Variants in NCOA2 observed in about 807,000 individuals in gnomAD.
NCOA2 encodes the protein class E basic helix-loop-helix protein 75.
A neutral mutation model predicts 145.1 loss-of-function variants in NCOA2; 21 were observed. The observed-to-expected ratio is 0.14, with a 90% CI of 0.10 to 0.21. The LOEUF (loss-of-function observed/expected upper bound fraction) is 0.21. NCOA2 is among the 10% of genes least tolerant of loss of function. The pLI is 1.00. For synonymous variants in NCOA2, 619 were observed against 637.5 expected (o/e 0.97, Z 0.44); for missense variants, 1,472 against 1,837.6 (o/e 0.80, Z 3.64).
chr8:70,159,255 TCCCCCAA>T (rs1812695706), intron 10 of NCOA2, among the ~76,000 whole-genome samples: 4 of 137,598 alleles, frequency 2.9e-5, no homozygotes, highest in Admixed American at 1.5e-4. Flanking sequence ...TTTTTTTTTT[TCCCCCAA>T]ATATTTTCCA....
chr8:70,177,396 T>C (rs7003804), intron 4 of NCOA2, among the ~76,000 whole-genome samples: 117,155 of 152,030 alleles, frequency 0.77, 45,997 homozygotes, highest in Non-Finnish European at 0.84. Flanking sequence ...AATAGCACCG[T>C]CCCTATTTCA....
chr8:70,204,654 A>C (rs890567342), intron 4 of NCOA2, among the ~76,000 whole-genome samples: 1 of 152,178 alleles, frequency 6.6e-6, no homozygotes, highest in East Asian at 1.9e-4. Context: ...AAAATCCAAC[A>C]AATATTTATT....
intron 3 of NCOA2, among the ~76,000 whole-genome samples, chr8:70,214,964 T>C (rs1819442809): frequency 6.6e-6 from 1 of 152,116 alleles, no homozygotes; most frequent in Admixed American, 6.6e-5. Context: ...AATTTTAAAA[T>C]TTCTGGATTC....
At chr8:70,279,427 T>C (rs775023016) in intron 2 of NCOA2, among the ~76,000 whole-genome samples, 7 of 152,216 alleles carry the variant, frequency 4.6e-5, no homozygotes, top group Non-Finnish European at 7.3e-5. Context: ...GCTATGCTTA[T>C]TAGTATACCT....
At chr8:70,161,662 CA>C (rs1332604383) in intron 9 of NCOA2, among the ~76,000 whole-genome samples, 2 of 152,146 alleles carry the variant, frequency 1.3e-5, no homozygotes, top group African/African-American at 4.8e-5. Context: ...TGGATGATGA[CA>C]AACTGAAACT....
chr8:70,311,176 A>G (rs903176554), intron 1 of NCOA2, among the ~76,000 whole-genome samples: 2 of 146,080 alleles, frequency 1.4e-5, no homozygotes, highest in Admixed American at 6.7e-5. Flanking sequence ...TATCCCAGTA[A>G]TATTTGAGGC....
chr8:70,321,639 C>A (rs1806075411), intron 1 of NCOA2, among the ~76,000 whole-genome samples: 1 of 151,990 alleles, frequency 6.6e-6, no homozygotes, highest in African/African-American at 2.4e-5. Flanking sequence ...TACTAAGACA[C>A]CCTTCGCCAC....
chr8:70,304,973 C>T (rs1288627544), intron 1 of NCOA2, among the ~76,000 whole-genome samples: 3 of 150,806 alleles, frequency 2.0e-5, no homozygotes, highest in East Asian at 3.9e-4. Flanking sequence ...CTACCCATGT[C>T]GGCCTCCTGA....
chr8:70,117,940 C>T (rs1322030675), intron 22 of NCOA2, among the ~76,000 whole-genome samples: 3 of 152,206 alleles, frequency 2.0e-5, no homozygotes, highest in Non-Finnish European at 4.4e-5. Flanking sequence ...GTAGGTGAGT[C>T]TCTTCTTGGA....
intron 2 of NCOA2, among the ~76,000 whole-genome samples, chr8:70,217,597 T>C (rs1443511850): frequency 6.6e-6 from 1 of 152,088 alleles, no homozygotes; most frequent in Non-Finnish European, 1.5e-5. Context: ...CAGCTCCTGC[T>C]TGCTGAATTC....
chr8:70,389,867 T>G (rs772383710), intron 1 of NCOA2, among the ~76,000 whole-genome samples: 1 of 151,492 alleles, frequency 6.6e-6, no homozygotes, highest in Non-Finnish European at 1.5e-5. Context: ...GGTTTCACCA[T>G]GTTGGGTGGG....
chr8:70,375,466 C>T (rs75649441), intron 1 of NCOA2, among the ~76,000 whole-genome samples: 1 of 152,186 alleles, frequency 6.6e-6, no homozygotes, highest in East Asian at 1.9e-4. Context: ...CAGAAGGAAA[C>T]AGAATATGCT....
chr8:70,199,113 G>GA (rs535950308), intron 4 of NCOA2, among the ~76,000 whole-genome samples: 12 of 152,004 alleles, frequency 7.9e-5, no homozygotes, highest in African/African-American at 2.2e-4. Flanking sequence ...TTTAGATGAG[G>GA]AAAAAAAGCC....
intron 4 of NCOA2, among the ~76,000 whole-genome samples, chr8:70,176,090 G>C (rs887783770): frequency 8.5e-5 from 13 of 152,136 alleles, no homozygotes; most frequent in African/African-American, 3.1e-4. Flanking sequence ...CAATTTACCT[G>C]TCTCCCGTAT....
the NCOA2 span, among the ~76,000 whole-genome samples, chr8:70,424,920 G>GTGCC: frequency 6.6e-6 from 1 of 152,176 alleles, no homozygotes; most frequent in African/African-American, 2.4e-5. Context: ...CATTTGCCAA[G>GTGCC]TGCCCCACCT....
chr8:70,312,218 A>G (rs2136022327), intron 1 of NCOA2, among the ~76,000 whole-genome samples: 1 of 152,354 alleles, frequency 6.6e-6, no homozygotes, highest in African/African-American at 2.4e-5. Flanking sequence ...TTATTTTTAA[A>G]TGAATATACT....
At chr8:70,326,302 C>T (rs1379747545) in intron 1 of NCOA2, among the ~76,000 whole-genome samples, 1 of 151,946 alleles carries the variant, frequency 6.6e-6, no homozygotes, top group African/African-American at 2.4e-5. Flanking sequence ...ATGCTCTTAC[C>T]TTTATTAAGT....
intron 4 of NCOA2, among the ~76,000 whole-genome samples, chr8:70,190,798 G>A (rs190272419): frequency 2.0e-5 from 3 of 152,324 alleles, no homozygotes; most frequent in Non-Finnish European, 4.4e-5. Context: ...AGAGGTTGCA[G>A]TAAGCTGAGA....
At chr8:70,456,413 G>A in the NCOA2 span, among the ~76,000 whole-genome samples, 115 of 152,274 alleles carry the variant, frequency 7.6e-4, no homozygotes, top group African/African-American at 2.7e-3. Context: ...CTGGTCAAGC[G>A]CCGGACGTTG....
Sources: allele counts gnomAD v4.1 joint callset (sites outside exome capture counted in the v4.1 genomes callset), GRCh38; gene constraint gnomAD v4.1.1; transcripts MANE v1.5; gene names NCBI Gene and HGNC (gene_info 2026-07-23, HGNC 2026-07-21).